The following RNF31 variants were observed in gnomAD, a reference collection of about 807,000 sequenced individuals.
The protein encoded by RNF31 is ring finger protein 31, also known as E3 ubiquitin-protein ligase RNF31.
A neutral mutation model predicts 133.6 loss-of-function variants in RNF31; 38 were observed. The observed-to-expected ratio is 0.28, with a 90% CI of 0.22 to 0.37. The LOEUF is 0.37. RNF31 is among the 10% of genes least tolerant of loss of function. RNF31 has a pLI of 1.00. For synonymous variants in RNF31, 582 were observed against 552.3 expected, an observed-to-expected ratio of 1.05 and a Z score of -0.75; for missense variants, 1,118 against 1,394.1, an observed-to-expected ratio of 0.80 and a Z score of 3.15.
chr14:24,157,793 A>G (rs1172959391), intron 16 of RNF31, 105 bp from the exon 17 acceptor site: 18 of 1,124,516 alleles, frequency 1.6e-5, no homozygotes, highest in Non-Finnish European at 2.4e-5. Context: ...TGCTCCTCCA[A>G]TGTCTCCATC....
chr14:24,154,876 T>A (rs940763671), intron 11 of RNF31: 9 of 455,856 alleles, frequency 2.0e-5, no homozygotes, highest in Non-Finnish European at 3.6e-5. Context: ...CCTCTATAGT[T>A]TTGTCATTTC....
intron 16 of RNF31, 46 bp downstream of exon 16, chr14:24,157,684 A>G (rs1486181847): frequency 2.0e-6 from 3 of 1,538,042 alleles, no homozygotes; most frequent in Non-Finnish European, 2.7e-6. Flanking sequence ...GGGGGGTGCC[A>G]TTGGCTTTGA....
At position 24,148,411 on chromosome 14, in the gene RNF31, C is replaced by G; in HGVS notation, c.493C>G (p.Gln165Glu). 1 of 1,613,728 alleles carries G rather than the reference C, an allele frequency of 6.2e-7. No individual in the cohort carries two copies. The highest frequency in any genetic ancestry group is 8.5e-7 in the Non-Finnish European group (1 of 1,179,996). Residue 165 changes from glutamine to glutamate, a missense_variant and splice_region_variant, in exon 3 of 21, where the codon CAG becomes GAG. Physicochemically the swap from Gln to Glu is conservative, Grantham distance 29. This residue lies in a region of RNF31 where 747 missense variants were observed against 827.9 expected (regional missense o/e 0.90). Coordinates refer to ENST00000324103, the MANE Select transcript of RNF31 (RefSeq NM_017999.5). ...LLRTELSLLLQNTHPRQQALE... is the reference protein window; with the variant it reads ...LLRTELSLLLENTHPRQQALE... ...TCGGACAGAGCTCAGCCTGCTATTG[C>G]AGGTGAGATGCTCCTCTAGTCTTGA...
At chr14:24,147,162 C>G (rs1315581752), upstream of RNF31, 1 of 161,164 alleles carries the variant, frequency 6.2e-6, no homozygotes, top group Non-Finnish European at 1.3e-5. Context: ...CGGCCAGAGT[C>G]GGTTCCCCTG....
Position 24,157,934 on chromosome 14 carries a change from C to T in RNF31, c.2764C>T (p.Leu922=). The T allele has an allele frequency of 6.2e-7, 1 of 1,614,176 alleles. No individual in the cohort carries two copies. Among genetic ancestry groups the T allele is most frequent in the South Asian group, 1.1e-5 (1 of 91,076 alleles). ...GCCTAACTGCAGGGTGAAAAAGTCC[C>T]TGCACGGCCACCACCCTCGAGACTG... ...PEPNCRVKKS[L]HGHHPRDCLF... Residue 922 remains leucine (L), a synonymous_variant, in exon 17 of 21, where the codon CTG becomes TTG. Transcript: ENST00000324103.
At chr14:24,147,254 T>C (rs2038179746), upstream of RNF31, 1 of 168,178 alleles carries the variant, frequency 5.9e-6, no homozygotes, top group Admixed American at 6.4e-5. Flanking sequence ...CTGAATAGGA[T>C]AACCCCGCGC....
rs1258952077 is a variant in RNF31, at chr14:24,147,517, G to A, written c.-182G>A. On this transcript the variant is annotated 5_prime_UTR_variant, in exon 1 of 21. Coordinates refer to ENST00000324103, the MANE Select transcript of RNF31 (RefSeq NM_017999.5). ...TCTCTCCTAGTACTTCCTGTTCTCGGCTAACCCTGGCGCTGGGCCGGGGGC... is the reference window on the plus strand; with the variant it reads ...TCTCTCCTAGTACTTCCTGTTCTCGACTAACCCTGGCGCTGGGCCGGGGGC... 2.1e-6 allele frequency: 1 copy of A among 482,602 alleles called. No homozygotes were observed. Among genetic ancestry groups the A allele is most frequent in the Non-Finnish European group, 3.5e-6 (1 of 288,998 alleles). The allele number at this position is 482,602 out of a possible 1,614,324, so 29.9% of individuals were successfully genotyped here.
In RNF31 at chr14:24,151,642, C is replaced by T; in HGVS notation, c.1895C>T (p.Thr632Ile). The T allele has an allele frequency of 1.2e-6, 2 of 1,612,224 alleles. No homozygotes were observed. The highest frequency in any genetic ancestry group is 1.7e-6 in the Non-Finnish European group (2 of 1,179,998). Residue 632 changes from threonine (T) to isoleucine (I), a missense_variant, in exon 10 of 21, where the codon ACC becomes ATC. By Grantham distance (89) the Thr-to-Ile change is moderately conservative (BLOSUM62 -1). Transcript: ENST00000324103. This position sits in a 1 kb window ranked among gnomAD's most constrained non-coding sequence, Gnocchi z 5.3. ...QRLWDSGPEP[T>I]PSWDGPDKQS... is the part of the protein sequence containing the mutation. ...CTCTGGGACAGTGGCCCTGAGCCCA[C>T]CCCTTCCTGGGATGGGCCAGACAAG...
chr14:24,151,691 G>A lies in RNF31; in HGVS notation c.1923+21G>A. The A allele has an allele frequency of 6.2e-7, 1 of 1,608,766 alleles. No individual in the cohort carries two copies. Among genetic ancestry groups the A allele is most frequent in the Non-Finnish European group, 8.5e-7 (1 of 1,179,584 alleles). ...AGCAGGTGCTGGGAGGAGGCAAGAA[G>A]CCCAAGGGTCCACCTAGAGGAGCAA... On this transcript the variant is annotated intron_variant, in intron 10 of 20. Coordinates refer to ENST00000324103, the MANE Select transcript of RNF31 (RefSeq NM_017999.5). This position sits in a 1 kb window ranked among gnomAD's most constrained non-coding sequence, Gnocchi z 5.3.
chr14:24,160,567 G>T lies in RNF31; in HGVS notation c.3213G>T (p.Arg1071=), dbSNP rs1373781492. 6.5e-7 allele frequency: 1 copy of T among 1,532,332 alleles called. No homozygotes were observed. Among genetic ancestry groups the T allele is most frequent in the South Asian group, 1.3e-5 (1 of 78,482 alleles). The allele number at this position is 1,532,332 out of a possible 1,614,324, so 94.9% of individuals were successfully genotyped here. The change falls in exon 21 of 21, where the codon CGG becomes CGT. Residue 1071 remains arginine, a synonymous_variant. Transcript: ENST00000324103. This position sits in a 1 kb window ranked among gnomAD's most constrained non-coding sequence, Gnocchi z 4.0. ...VPLGQSIPRR[R]K is the part of the protein sequence containing the mutation. ...TGGGACAGAGTATCCCCCGCAGGCG[G>T]AAGTAGCTGAGGGCAAGGGTCCCGA...
At chr14:24,159,596 A>AAC (rs2038412139) in intron 18 of RNF31, among the ~76,000 whole-genome samples, 1 of 150,844 alleles carries the variant, frequency 6.6e-6, no homozygotes, top group African/African-American at 2.4e-5. Flanking sequence ...AAAAAAAAAA[A>AAC]AAAAAAAAAA....
Position 24,149,567 on chromosome 14 carries a change from A to G in RNF31, c.793A>G (p.Thr265Ala), listed in dbSNP as rs200013554. The stretch of plus-strand genomic sequence containing the variant: ...GACCCTGCCTGGGGTCCTGCAGGGT[A>G]CCCACCTGAGCCCCAGGTGAGAGGG... ...RQTLPGVLQGTHLSPSLPASA... is the reference protein window; with the variant it reads ...RQTLPGVLQGAHLSPSLPASA... The change falls in exon 6 of 21, where the codon ACC (threonine) becomes GCC (alanine). Residue 265 changes from threonine (T) to alanine (A), a missense_variant. Physicochemically the swap from Thr to Ala is moderately conservative, Grantham distance 58 (BLOSUM62 0). Transcript: ENST00000324103. 82 of 1,613,522 alleles carry G rather than the reference A, an allele frequency of 5.1e-5. No individual in the cohort carries two copies. The highest frequency in any genetic ancestry group is 2.2e-5 in the East Asian group (1 of 44,880).
chr14:24,149,620 A>G (rs2038232406), intron 6 of RNF31, 37 bp downstream of exon 6: 1 of 1,581,532 alleles, frequency 6.3e-7, no homozygotes. Flanking sequence ...AGTGAAATTT[A>G]GAGAACTTAA....
rs147980146 is a variant in RNF31 at position 24,157,721 on chromosome 14, C to T, written c.2727+83C>T. The T allele has an allele frequency of 5.0e-5, 64 of 1,289,638 alleles. No homozygotes were observed. In the African/African-American group the frequency reaches 8.0e-4, roughly 16 times the overall value. The allele number at this position is 1,289,638 out of a possible 1,614,324, so 79.9% of individuals were successfully genotyped here. A position where few individuals can be genotyped will look rare whatever the true frequency, so the allele number is the denominator to read the frequency against. ...AGTCAGAGGCTATTGAGGAGTGGCC[C>T]CGGGGAAGAGAAGAGGTCAACGGGA... is the stretch of plus-strand genomic sequence containing the variant. On this transcript the variant is annotated intron_variant, in intron 16 of 20. Coordinates refer to ENST00000324103, the MANE Select transcript of RNF31 (RefSeq NM_017999.5).
intron 11 of RNF31, among the ~76,000 whole-genome samples, chr14:24,153,854 G>C (rs986664466): frequency 1.1e-4 from 17 of 151,010 alleles, no homozygotes; most frequent in Admixed American, 1.1e-3. Flanking sequence ...CAGTGAGCCA[G>C]GATTGCGCCA....
chr14:24,149,029 T>G (rs2038222817), intron 5 of RNF31, 153 bp downstream of exon 5: 1 of 750,542 alleles, frequency 1.3e-6, no homozygotes, highest in East Asian at 2.5e-5. Context: ...AATGGTGCGA[T>G]CTCCGCTCAC....
chr14:24,150,804 C>T lies in RNF31; in HGVS notation c.1404C>T (p.Pro468=). The T allele has an allele frequency of 6.2e-7, 1 of 1,605,736 alleles. No individual in the cohort carries two copies. Residue 468 remains proline, a synonymous_variant, in exon 8 of 21, where the codon CCC becomes CCT. Transcript: ENST00000324103. ...GGCCCCCACGACGCCTTAGTGCCCC[C>T]CTGCCCAGTTCCTGTGGAGATCCTG... ...KPGPPRRLSA[P]LPSSCGDPEK...
intron 3 of RNF31, 55 bp downstream of exon 3, chr14:24,148,468 C>T: frequency 6.2e-7 from 1 of 1,612,756 alleles, no homozygotes. Flanking sequence ...GGGAGCCCAG[C>T]CTAACTCAAG....
chr14:24,153,517 C>T (rs1189929877), intron 11 of RNF31, among the ~76,000 whole-genome samples: 1 of 151,716 alleles, frequency 6.6e-6, no homozygotes, highest in African/African-American at 2.4e-5. Context: ...GTGGAGGTTG[C>T]AGTGAGCCAA....
Sources: gnomAD v4.1 joint callset for allele counts (sites outside exome capture counted in the v4.1 genomes callset) on GRCh38, gnomAD v4.1.1 for gene constraint, gnomAD v4.1.1 regional missense constraint, Gnocchi (gnomAD v3.1) non-coding constraint, MANE v1.5 for transcripts, NCBI Gene and HGNC (gene_info 2026-07-23, HGNC 2026-07-21) for gene names.